Variants in HPS4 observed in about 807,000 individuals in gnomAD.
HPS4 encodes the protein BLOC-3 complex member HPS4.
Under a neutral mutation model 70.3 loss-of-function variants are expected in HPS4, and 44 were observed. The observed-to-expected ratio is 0.63, with a 90% CI of 0.49 to 0.80. The LOEUF (loss-of-function observed/expected upper bound fraction) is 0.80. Among genes scored for constraint, HPS4 ranks in the 30% least tolerant of loss-of-function variants. The pLI, the probability that HPS4 is intolerant of heterozygous loss-of-function variation, is 0.00. For synonymous variants in HPS4, 377 were observed against 355.9 expected, an observed-to-expected ratio of 1.06 and a Z score of -0.67; for missense variants, 873 against 884.4, an observed-to-expected ratio of 0.99 and a Z score of 0.16.
Position 26,458,716 on chromosome 22 carries a change from T to A in HPS4, c.1714-139A>T. On this transcript the variant is annotated intron_variant, in intron 11 of 13. Transcript: ENST00000398145. Reference sequence around the variant, plus strand: ...TCACACCTGTAATCCCAGTGCTTTGTGAGACCGAGGCAGGAGGATCACTTA... The same window carrying A: ...TCACACCTGTAATCCCAGTGCTTTGAGAGACCGAGGCAGGAGGATCACTTA... 1.0e-6 allele frequency: 1 copy of A among 989,282 alleles called. No individual in the cohort carries two copies. Among genetic ancestry groups the A allele is most frequent in the Non-Finnish European group, 1.5e-6 (1 of 672,970 alleles). 61.3% of individuals were successfully genotyped at this position (989,282 alleles called of 1,614,324 possible).
chr22:26,461,887 G>A (rs1223391964), intron 11 of HPS4, among the ~76,000 whole-genome samples: 1 of 152,166 alleles, frequency 6.6e-6, no homozygotes, highest in African/African-American at 2.4e-5. Flanking sequence ...AGCACTTTGG[G>A]AGGCCGAGGC....
intron 13 of HPS4, among the ~76,000 whole-genome samples, chr22:26,456,454 A>T (rs1601805555): frequency 1.3e-5 from 2 of 152,328 alleles, no homozygotes; most frequent in Admixed American, 1.3e-4. Flanking sequence ...AGGTCAAAAC[A>T]TTGAGACTAT....
chr22:26,449,868 G>A (rs1179640488), downstream of HPS4, among the ~76,000 whole-genome samples: 6 of 152,186 alleles, frequency 3.9e-5, no homozygotes, highest in South Asian at 6.2e-4. Flanking sequence ...GGTTCTGGAG[G>A]CCGAAGTCTG....
Position 26,465,492 on chromosome 22 carries a change from T to C in HPS4, c.766A>G (p.Ile256Val), listed in dbSNP as rs754422079. 3.1e-6 allele frequency: 5 copies of C among 1,614,014 alleles called. No individual in the cohort carries two copies. Among genetic ancestry groups the C allele is most frequent in the East Asian group, 2.2e-5 (1 of 44,904 alleles). Reference protein sequence around the residue: ...IPVFVTKEEAISLHEFPVEQM... With the variant: ...IPVFVTKEEAVSLHEFPVEQM... The stretch of plus-strand genomic sequence containing the variant: ...TCCACCGGGAACTCGTGGAGACTAA[T>C]GGCTTCCTCTTTGGTCACAAAAACA... Residue 256 changes from isoleucine (I) to valine (V), a missense_variant, in exon 10 of 14, where the codon ATT becomes GTT. Ile to Val is a conservative substitution (Grantham distance 29). Transcript: ENST00000398145.
At chr22:26,478,287 G>A (rs1026802965) in intron 3 of HPS4, among the ~76,000 whole-genome samples, 1 of 152,074 alleles carries the variant, frequency 6.6e-6, no homozygotes, top group African/African-American at 2.4e-5. Context: ...AATTGGCAAA[G>A]TATTGCCGGG....
intron 6 of HPS4, 55 bp downstream of exon 6, chr22:26,472,247 T>G: frequency 9.4e-7 from 1 of 1,062,956 alleles, no homozygotes; most frequent in Non-Finnish European, 1.5e-6. Flanking sequence ...ATTAAAAAAG[T>G]ATCCAGAAGC....
In HPS4 at chr22:26,464,418, T is replaced by A. The variant is rs781196776; in HGVS notation, c.1212A>T (p.Ala404=). The A allele has an allele frequency of 6.2e-7, 1 of 1,614,184 alleles. No homozygotes were observed. The highest frequency in any genetic ancestry group is 1.7e-5 in the Admixed American group (1 of 60,034). Residue 404 remains alanine (A), a synonymous_variant, in exon 11 of 14, where the codon GCA becomes GCT. Coordinates refer to ENST00000398145, the MANE Select transcript of HPS4 (RefSeq NM_022081.6). ...CCAGGCTGCTGGAGGCGCTGAGAGA[T>A]GCCTTGCAGTAAGGAGCCCTGCCAT... ...VPDGRAPYCK[A]SLSASSSLEP...
intron 13 of HPS4, among the ~76,000 whole-genome samples, chr22:26,454,731 G>A (rs1223645567): frequency 6.6e-6 from 1 of 152,194 alleles, no homozygotes; most frequent in Non-Finnish European, 1.5e-5. Context: ...ATTGACAAAT[G>A]GGATCTAATT....
chr22:26,465,734 A>G, intron 9 of HPS4, 183 bp from the exon 10 acceptor site: 1 of 614,496 alleles, frequency 1.6e-6, no homozygotes, highest in Non-Finnish European at 2.9e-6. Flanking sequence ...CCCAGTAAGG[A>G]AAGAGTCCCT....
downstream of HPS4, among the ~76,000 whole-genome samples, chr22:26,450,520 A>T (rs773203242): frequency 1.3e-5 from 2 of 152,256 alleles, no homozygotes; most frequent in African/African-American, 4.8e-5. Flanking sequence ...GGGAGGAGAC[A>T]GTTTGATCAG....
At chr22:26,443,431 T>A, downstream of HPS4, 1 of 488,604 alleles carries the variant, frequency 2.0e-6, no homozygotes, top group Admixed American at 3.7e-5. Context: ...TTCCTTCCAA[T>A]CATTTGCTTC....
intron 11 of HPS4, 71 bp from the exon 12 acceptor site, chr22:26,458,648 C>A (rs926995945): frequency 1.3e-6 from 2 of 1,576,028 alleles, no homozygotes; most frequent in African/African-American, 1.4e-5. Flanking sequence ...TAGTTAACCA[C>A]AGACTTAGTT....
At chr22:26,479,394 C>T (rs1451459035) in intron 2 of HPS4, 39 bp from the exon 3 acceptor site, 3 of 1,608,380 alleles carry the variant, frequency 1.9e-6, no homozygotes, top group Non-Finnish European at 2.5e-6. Flanking sequence ...TTCCTTTAAT[C>T]CAGTGATCAC....
At chr22:26,458,094 G>A in intron 12 of HPS4, 127 bp from the exon 13 acceptor site, 2 of 832,294 alleles carry the variant, frequency 2.4e-6, no homozygotes, top group South Asian at 1.4e-5. Context: ...GCCCGGGGCA[G>A]AGACAAAGGC....
downstream of HPS4, chr22:26,443,973 G>C (rs544221774): frequency 7.9e-5 from 12 of 152,340 alleles, no homozygotes; most frequent in South Asian, 2.5e-3. Flanking sequence ...ACACAGATCA[G>C]CCACGGAACG....
At chr22:26,464,954 G>T in intron 10 of HPS4, 128 bp from the exon 11 acceptor site, 1 of 792,220 alleles carries the variant, frequency 1.3e-6, no homozygotes, top group Non-Finnish European at 2.0e-6. Context: ...AGCCTAAGAG[G>T]CCACCAGAGT....
At chr22:26,449,323 A>ATTTT (rs35895945), downstream of HPS4, among the ~76,000 whole-genome samples, 25 of 83,324 alleles carry the variant, frequency 3.0e-4, no homozygotes, top group South Asian at 7.7e-4. Context: ...ACTCCCCTGC[A>ATTTT]TTTTTTTTTT....
intron 6 of HPS4, chr22:26,471,345 C>A (rs1222052395): frequency 8.8e-6 from 4 of 456,092 alleles, no homozygotes; most frequent in South Asian, 6.2e-5. Context: ...GGAAATATGC[C>A]TCAGTTCCAC....
At chr22:26,471,081 T>C (rs2089726911) in intron 6 of HPS4, 1 of 574,528 alleles carries the variant, frequency 1.7e-6, no homozygotes, top group Non-Finnish European at 3.1e-6. Flanking sequence ...GGCATATGGC[T>C]ATTCAAAGGG....
Sources: allele counts gnomAD v4.1 joint callset (sites outside exome capture counted in the v4.1 genomes callset), GRCh38; gene constraint gnomAD v4.1.1; transcripts MANE v1.5; gene names NCBI Gene and HGNC (gene_info 2026-07-23, HGNC 2026-07-21).